Variants in NOMO1 observed in about 807,000 individuals in gnomAD.
NOMO1 encodes nodal modulator 3.
NOMO1 carries 40 observed loss-of-function variants against 133.8 expected under a neutral mutation model. The ratio of observed to expected loss-of-function variants is 0.30; its 90% CI spans 0.23 to 0.39. NOMO1 has a LOEUF of 0.39. Ranked by LOEUF, NOMO1 falls within the 10% of genes least tolerant of loss-of-function variation. NOMO1 has a pLI of 1.00. For missense variants in NOMO1, 462 were observed against 1,419.9 expected (o/e 0.33, Z 10.84); for synonymous variants, 236 against 570.5 (o/e 0.41, Z 8.36).
At chr16:14,853,901 A>C in intron 8 of NOMO1, 36 bp from the exon 9 acceptor site, 1 of 1,611,018 alleles carries the variant, frequency 6.2e-7, no homozygotes, top group Admixed American at 1.7e-5. Flanking sequence ...TGATCATGTT[A>C]GTGGTTCTTA....
chr16:14,887,217 A>T (rs577098279), intron 28 of NOMO1, among the ~76,000 whole-genome samples: 1 of 152,126 alleles, frequency 6.6e-6, no homozygotes, highest in African/African-American at 2.4e-5. Flanking sequence ...CAAAACTGAC[A>T]CTGTTTTGTA....
Position 14,890,005 on chromosome 16 carries a change from GA to G in NOMO1, c.3444+799del, listed in dbSNP as rs571248960. Among the ~76,000 whole-genome samples, 12 of 124,412 alleles carry G rather than the reference GA, an allele frequency of 9.6e-5. No homozygotes were observed. The East Asian group carries it at 1.2e-3, about 12-fold the overall frequency. 81.6% of individuals were successfully genotyped at this position (124,412 alleles called of 152,430 possible). ...ATTTGTTTGACAAATAAATTGCAAGGAAAAAAAAACCAACAACAGATGGACA... is the reference window on the plus strand; with the variant it reads ...ATTTGTTTGACAAATAAATTGCAAGGAAAAAAAACCAACAACAGATGGACA... On this transcript the variant is annotated intron_variant, in intron 29 of 30. Coordinates refer to ENST00000287667, the MANE Select transcript of NOMO1 (RefSeq NM_014287.4).
chr16:14,886,671 C>T, intron 27 of NOMO1, 90 bp from the exon 28 acceptor site: 1 of 1,608,766 alleles, frequency 6.2e-7, no homozygotes, highest in Non-Finnish European at 8.5e-7. Flanking sequence ...AAGACACCCA[C>T]CCAGAAAGCG....
chr16:14,878,552 A>C (rs1964193699), intron 22 of NOMO1, among the ~76,000 whole-genome samples, 169 bp from the exon 23 acceptor site: 1 of 150,940 alleles, frequency 6.6e-6, no homozygotes, highest in African/African-American at 2.4e-5. Flanking sequence ...AAACTTACAA[A>C]ACTTACAACA....
chr16:14,881,012 C>G (rs991225199), intron 24 of NOMO1, among the ~76,000 whole-genome samples: 2 of 150,692 alleles, frequency 1.3e-5, no homozygotes, highest in African/African-American at 4.9e-5. Flanking sequence ...AGCAAGACCC[C>G]GTCTCTACAA....
chr16:14,871,212 T>C (rs1964076289), intron 16 of NOMO1, among the ~76,000 whole-genome samples: 3 of 151,520 alleles, frequency 2.0e-5, no homozygotes, highest in Non-Finnish European at 4.4e-5. Context: ...TTTAGGAATA[T>C]TTATAGGAAG....
At chr16:14,847,718 A>G (rs1963702557) in intron 5 of NOMO1, among the ~76,000 whole-genome samples, 1 of 151,920 alleles carries the variant, frequency 6.6e-6, no homozygotes, top group Admixed American at 6.6e-5. Context: ...AAAGCGTTCA[A>G]ATCATTACTA....
intron 1 of NOMO1, among the ~76,000 whole-genome samples, chr16:14,835,470 A>G (rs1045484928): frequency 1.0e-4 from 15 of 150,396 alleles, no homozygotes; most frequent in Non-Finnish European, 7.4e-5. Context: ...GCCTCTTGCA[A>G]CTTGTAGTTT....
intron 23 of NOMO1, 149 bp downstream of exon 23, chr16:14,878,983 G>A (rs937828070): frequency 1.6e-5 from 13 of 820,018 alleles, no homozygotes; most frequent in Non-Finnish European, 2.0e-5. Context: ...GGTCATTAGA[G>A]TATTGCTCTT....
At chr16:14,844,129 C>T (rs2151893221) in intron 3 of NOMO1, among the ~76,000 whole-genome samples, 1 of 150,976 alleles carries the variant, frequency 6.6e-6, no homozygotes, top group Middle Eastern at 3.4e-3. Flanking sequence ...TGGCTGAGCT[C>T]ATGTCCTTGG....
intron 11 of NOMO1, among the ~76,000 whole-genome samples, chr16:14,858,715 G>T (rs970398417): frequency 6.6e-6 from 1 of 152,112 alleles, no homozygotes; most frequent in African/African-American, 2.4e-5. Flanking sequence ...TGGGGCCAAC[G>T]GGCCATGAGT....
At chr16:14,875,589 A>ATGGATGGTTGGGT (rs1567545784) in intron 20 of NOMO1, among the ~76,000 whole-genome samples, 167 bp downstream of exon 20, 10 of 149,596 alleles carry the variant, frequency 6.7e-5, no homozygotes, top group Non-Finnish European at 1.3e-4. Context: ...GGATGGATGG[A>ATGGATGGTTGGGT]TGGATGGTTG....
chr16:14,864,365 C>A (rs545503238), intron 12 of NOMO1, among the ~76,000 whole-genome samples: 1 of 152,054 alleles, frequency 6.6e-6, no homozygotes, highest in African/African-American at 2.4e-5. Context: ...TGTTCATACA[C>A]ATCGGTCTGT....
At chr16:14,878,113 T>C (rs1964186820) in intron 22 of NOMO1, among the ~76,000 whole-genome samples, 1 of 151,568 alleles carries the variant, frequency 6.6e-6, no homozygotes, top group African/African-American at 2.4e-5. Flanking sequence ...TAACATGCCA[T>C]TTTTATTTCA....
intron 28 of NOMO1, 71 bp downstream of exon 28, chr16:14,886,933 C>G: frequency 1.4e-6 from 2 of 1,447,562 alleles, no homozygotes; most frequent in Non-Finnish European, 1.9e-6. Flanking sequence ...TAAGGAAGCA[C>G]AGTTCTCTCC....
intron 3 of NOMO1, among the ~76,000 whole-genome samples, chr16:14,844,317 G>A (rs1339686283): frequency 2.0e-5 from 3 of 151,960 alleles, no homozygotes; most frequent in Non-Finnish European, 4.4e-5. Flanking sequence ...ACTCAGCTCA[G>A]TGCCTGGTCG....
intron 11 of NOMO1, 93 bp from the exon 12 acceptor site, chr16:14,862,920 G>A: frequency 6.3e-7 from 1 of 1,576,042 alleles, no homozygotes; most frequent in South Asian, 1.1e-5. Flanking sequence ...CAGGAACAAG[G>A]GCTGGGAGAG....
At position 14,853,635 on chromosome 16, in the gene NOMO1, G is replaced by T. The variant is rs1416095398; in HGVS notation, c.873+31G>T. The T allele has an allele frequency of 2.5e-6, 4 of 1,611,564 alleles. No individual in the cohort carries two copies. In the Admixed American group the frequency reaches 6.7e-5, roughly 27 times the overall value. ...TAAAGCAGATTTCCGTTCTGTTTATGTCTGAGACTCTCATGACACAGTAAA... is the reference window on the plus strand; with the variant it reads ...TAAAGCAGATTTCCGTTCTGTTTATTTCTGAGACTCTCATGACACAGTAAA... On this transcript the variant is annotated intron_variant, in intron 8 of 30. Coordinates refer to ENST00000287667, the MANE Select transcript of NOMO1 (RefSeq NM_014287.4).
rs1685041958 is a variant in NOMO1, at chr16:14,889,283, G to A, written c.3444+68G>A. The A allele has an allele frequency of 8.1e-6, 13 of 1,611,312 alleles. No homozygotes were observed. The Middle Eastern group carries it at 1.1e-3, about 140-fold the overall frequency. On this transcript the variant is annotated intron_variant, in intron 29 of 30. Transcript: ENST00000287667. ...TTGGTGGCTCACGCCTGTAATCCCA[G>A]CACTTTGGGAGGCCAAGGCTGGTGG...
Sources: gnomAD v4.1 joint callset for allele counts (sites outside exome capture counted in the v4.1 genomes callset) on GRCh38, gnomAD v4.1.1 for gene constraint, MANE v1.5 for transcripts, NCBI Gene and HGNC (gene_info 2026-07-23, HGNC 2026-07-21) for gene names.